The following BCAS2 variants were observed in gnomAD, a reference collection of about 807,000 sequenced individuals.
BCAS2 encodes BCAS2 pre-mRNA processing factor, also known as pre-mRNA-splicing factor SPF27.
Under a neutral mutation model 35.3 loss-of-function variants are expected in BCAS2, and 34 were observed. The observed-to-expected ratio is 0.96, with a 90% CI of 0.73 to 1.28. BCAS2 has a LOEUF of 1.28. Among genes scored for constraint, BCAS2 ranks in the 50% most tolerant of loss-of-function variants. BCAS2 has a pLI of 0.00. For synonymous variants in BCAS2, 75 were observed against 91.6 expected, an observed-to-expected ratio of 0.82 and a Z score of 1.03; for missense variants, 221 against 268.1, an observed-to-expected ratio of 0.82 and a Z score of 1.23.
chr1:114,575,376 G>A (rs1175246795), intron 4 of BCAS2, among the ~76,000 whole-genome samples: 1 of 130,818 alleles, frequency 7.6e-6, no homozygotes, highest in African/African-American at 2.9e-5. Flanking sequence ...TTTTTTTTTT[G>A]TAGAAATGGG....
At chr1:114,579,374 AAGAG>A (rs1199847420) in intron 2 of BCAS2, among the ~76,000 whole-genome samples, 1 of 152,254 alleles carries the variant, frequency 6.6e-6, no homozygotes, top group Non-Finnish European at 1.5e-5. Context: ...AAAGGTATTT[AAGAG>A]AGAAGGAAAA....
At chr1:114,578,025 T>C (rs1451225997) in intron 2 of BCAS2, among the ~76,000 whole-genome samples, 1 of 152,070 alleles carries the variant, frequency 6.6e-6, no homozygotes, top group Non-Finnish European at 1.5e-5. Flanking sequence ...ACCTCATCTC[T>C]ACTAAAAATA....
At chr1:114,570,874 C>A (rs915556838) in intron 4 of BCAS2, 124 bp from the exon 5 acceptor site, 29 of 711,674 alleles carry the variant, frequency 4.1e-5, no homozygotes, top group African/African-American at 3.6e-4. Context: ...CTATGTTGGA[C>A]ACTCCATAAT....
intron 6 of BCAS2, 65 bp downstream of exon 6, chr1:114,569,927 T>C (rs1654605080): frequency 2.4e-6 from 3 of 1,258,350 alleles, no homozygotes; most frequent in South Asian, 2.6e-5. Flanking sequence ...ATTTGAATCA[T>C]ATTATTGAAT....
At chr1:114,569,889 G>T in intron 6 of BCAS2, 103 bp downstream of exon 6, 1 of 857,506 alleles carries the variant, frequency 1.2e-6, no homozygotes, top group African/African-American at 1.7e-5. Context: ...GCATTTCTTT[G>T]TTACCTGTGG....
At chr1:114,580,498 T>C (rs115826179) in intron 2 of BCAS2, among the ~76,000 whole-genome samples, 1,669 of 152,324 alleles carry the variant, frequency 0.011, 23 homozygotes, top group Middle Eastern at 0.054. Flanking sequence ...CTTGTCCTTA[T>C]ACATACCCTC....
intron 4 of BCAS2, among the ~76,000 whole-genome samples, chr1:114,574,973 A>G (rs182897996): frequency 3.3e-5 from 5 of 151,236 alleles, no homozygotes; most frequent in Non-Finnish European, 7.4e-5. Flanking sequence ...AGGTTCAAGC[A>G]ATTCTCCTAC....
At chr1:114,571,868 CAT>C (rs1012496627) in intron 4 of BCAS2, among the ~76,000 whole-genome samples, 1 of 152,140 alleles carries the variant, frequency 6.6e-6, no homozygotes, top group African/African-American at 2.4e-5. Context: ...TTGCATGTAA[CAT>C]ATGCATAGCA....
rs927412968 is a variant in BCAS2 at position 114,567,754 on chromosome 1, T to C, written c.*376A>G. The C allele has an allele frequency of 4.1e-5, 7 of 170,262 alleles. No individual in the cohort carries two copies. The highest frequency in any genetic ancestry group is 1.7e-4 in the African/African-American group (7 of 41,814). 10.5% of individuals were successfully genotyped at this position (170,262 alleles called of 1,614,324 possible). ...TCAAGAATGTGTTTAGAACTATCTC[T>C]TTATTAGACAAAGTCATAAACCAAA... On this transcript the variant is annotated 3_prime_UTR_variant, in exon 7 of 7. Coordinates refer to ENST00000369541, the MANE Select transcript of BCAS2 (RefSeq NM_005872.3).
chr1:114,568,278 G>GA (rs763190901), intron 6 of BCAS2, 22 bp from the exon 7 acceptor site: 2 of 1,593,378 alleles, frequency 1.3e-6, no homozygotes, highest in Admixed American at 1.8e-5. Flanking sequence ...GGGAAGAAAA[G>GA]AAAAAAATTA....
Position 114,577,459 on chromosome 1 carries a change from C to T in BCAS2, c.187-701G>A, listed in dbSNP as rs146879993. Among the ~76,000 whole-genome samples the T allele has an allele frequency of 8.5e-5, 13 of 152,280 alleles. 1 individual carries two copies. Among genetic ancestry groups the T allele is most frequent in the Admixed American group, 3.3e-4 (5 of 15,298 alleles). On this transcript the variant is annotated intron_variant, in intron 2 of 6. Coordinates refer to ENST00000369541, the MANE Select transcript of BCAS2 (RefSeq NM_005872.3). ...GCGATCTTGGCTCATCTCTGCCTCC[C>T]GGGTTCAAGCGATTCTCTTGCCTCA...
In BCAS2 at chr1:114,576,774, G is replaced by GA. The variant is rs746511965; in HGVS notation, c.187-17dup. 5.7e-6 allele frequency: 9 copies of GA among 1,587,946 alleles called. No individual in the cohort carries two copies. Among genetic ancestry groups the GA allele is most frequent in the African/African-American group, 1.3e-5 (1 of 74,292 alleles). On this transcript the variant is annotated splice_polypyrimidine_tract_variant and intron_variant, in intron 2 of 6. Transcript: ENST00000369541. ...TTATGTCAGTCTGATGTGTAAATCA[G>GA]AAAAAAGATTTCTAAGATCATGTTG...
In BCAS2 at chr1:114,568,278, GAAA is replaced by G. The variant is rs763190901; in HGVS notation, c.552-25_552-23del. 2.5e-6 allele frequency: 4 copies of G among 1,593,278 alleles called. No homozygotes were observed. The African/African-American group carries it at 5.5e-5, about 22-fold the overall frequency. Reference sequence around the variant, plus strand: ...CCAACTAGAATGGGGGGGAAGAAAAGAAAAAAATTACTCAATGTAAAACTTCTC... The same window carrying G: ...CCAACTAGAATGGGGGGGAAGAAAAGAAAATTACTCAATGTAAAACTTCTC... On this transcript the variant is annotated intron_variant, in intron 6 of 6. Transcript: ENST00000369541.
chr1:114,570,268 TCACA>T (rs61232118), intron 5 of BCAS2, among the ~76,000 whole-genome samples, 196 bp from the exon 6 acceptor site: 3 of 150,522 alleles, frequency 2.0e-5, no homozygotes, highest in African/African-American at 7.3e-5. Context: ...TTGTGAGAAA[TCACA>T]CACACACACA....
chr1:114,578,954 G>T (rs1570742062), intron 2 of BCAS2, among the ~76,000 whole-genome samples: 1 of 152,276 alleles, frequency 6.6e-6, no homozygotes, highest in East Asian at 1.9e-4. Context: ...AAGTAAGACA[G>T]TGAACCCAGT....
In BCAS2 at chr1:114,575,620, T is replaced by C. The variant is rs776310228; in HGVS notation, c.389A>G (p.His130Arg). Residue 130 changes from histidine (H) to arginine (R), a missense_variant, in exon 4 of 7, where the codon CAT becomes CGT. Transcript: ENST00000369541. ...RIENLELMSQ[H>R]GCNAWKVYNE... ...GTATACTTTCCAGGCATTACATCCA[T>C]GCTGTGACATTAGTTCCAGATTCTC... 2 of 1,611,558 alleles carry C rather than the reference T, an allele frequency of 1.2e-6. No homozygotes were observed. Among genetic ancestry groups the C allele is most frequent in the South Asian group, 2.2e-5 (2 of 90,708 alleles).
chr1:114,579,079 C>A (rs1309968898), intron 2 of BCAS2, among the ~76,000 whole-genome samples: 1 of 152,144 alleles, frequency 6.6e-6, no homozygotes, highest in African/African-American at 2.4e-5. Context: ...AGTTCGAGAC[C>A]AGCCTGGCCA....
At chr1:114,570,163 C>T (rs1435546421) in intron 5 of BCAS2, 91 bp from the exon 6 acceptor site, 1 of 867,500 alleles carries the variant, frequency 1.2e-6, no homozygotes, top group Non-Finnish European at 1.9e-6. Flanking sequence ...TATCTTAATC[C>T]CATGAGAACA....
At chr1:114,580,658 G>A (rs1335859326) in intron 2 of BCAS2, among the ~76,000 whole-genome samples, 1 of 151,894 alleles carries the variant, frequency 6.6e-6, no homozygotes, top group South Asian at 2.1e-4. Flanking sequence ...ATAAAGAAAA[G>A]AAAAATTAAA....
Sources: gnomAD v4.1 joint callset for allele counts (sites outside exome capture counted in the v4.1 genomes callset) on GRCh38, gnomAD v4.1.1 for gene constraint, MANE v1.5 for transcripts, NCBI Gene and HGNC (gene_info 2026-07-23, HGNC 2026-07-21) for gene names.